The following FDCSP variants were observed in gnomAD, a reference collection of about 807,000 sequenced individuals.
FDCSP encodes follicular dendritic cell secreted protein, also known as follicular dendritic cell secreted peptide.
FDCSP carries 8 observed loss-of-function variants against 8.9 expected under a neutral mutation model. That is an observed-to-expected ratio of 0.90 (90% CI 0.53 to 1.63). The LOEUF (loss-of-function observed/expected upper bound fraction) is 1.63, where lower values mean the gene tolerates loss of function less well. FDCSP is among the 40% of genes most tolerant of loss of function. The probability of loss-of-function intolerance (pLI) is 0.00; values close to 1 mark genes in which losing one functional copy is unlikely to be tolerated. For missense variants in FDCSP, 101 were observed against 103.6 expected, an observed-to-expected ratio of 0.98 and a Z score of 0.11; for synonymous variants, 34 against 34.5, an observed-to-expected ratio of 0.98 and a Z score of 0.06.
intron 2 of FDCSP, among the ~76,000 whole-genome samples, chr4:70,231,974 G>A (rs990371344): frequency 3.3e-5 from 5 of 151,672 alleles, no homozygotes; most frequent in African/African-American, 1.2e-4. Context: ...AAAAGAAAAA[G>A]CATATAGAAT....
At chr4:70,232,264 G>A (rs547958370) in intron 2 of FDCSP, among the ~76,000 whole-genome samples, 1 of 151,524 alleles carries the variant, frequency 6.6e-6, no homozygotes, top group East Asian at 2.0e-4. Flanking sequence ...TTTATTTATG[G>A]TACATAACCT....
chr4:70,229,914 C>T (rs1055511045), intron 1 of FDCSP, among the ~76,000 whole-genome samples: 2 of 151,342 alleles, frequency 1.3e-5, no homozygotes, highest in Non-Finnish European at 3.0e-5. Flanking sequence ...GCTAGGATTA[C>T]CAAAATATGA....
At chr4:70,229,863 G>GAT (rs1251516697) in intron 1 of FDCSP, among the ~76,000 whole-genome samples, 1 of 151,478 alleles carries the variant, frequency 6.6e-6, no homozygotes, top group Admixed American at 6.6e-5. Context: ...ATGTCTTATA[G>GAT]ATATCAAAAT....
intron 2 of FDCSP, 65 bp from the exon 3 acceptor site, chr4:70,232,929 T>C (rs1180895497): frequency 1.6e-6 from 2 of 1,260,428 alleles, no homozygotes; most frequent in Admixed American, 4.3e-5. Flanking sequence ...GTCATGCATA[T>C]GTATATATTT....
chr4:70,226,142 A>C lies in FDCSP; in HGVS notation c.-41A>C, dbSNP rs570779986. 3 of 152,002 alleles carry C rather than the reference A, an allele frequency of 2.0e-5. No individual in the cohort carries two copies. Among genetic ancestry groups the C allele is most frequent in the South Asian group, 4.1e-4 (2 of 4,824 alleles). The allele number at this position is 152,002 out of a possible 1,614,324, so 9.4% of individuals were successfully genotyped here. On this transcript the variant is annotated 5_prime_UTR_variant, in exon 1 of 5. Coordinates refer to ENST00000317987, the MANE Select transcript of FDCSP (RefSeq NM_152997.4). ...CAGGGCCAGTCACTTGCCATTTCTC[A>C]TAACAGCGTCAGAGAGAAAGAACTG...
At chr4:70,229,376 ACT>A (rs1346512571) in intron 1 of FDCSP, among the ~76,000 whole-genome samples, 5 of 151,620 alleles carry the variant, frequency 3.3e-5, no homozygotes, top group Non-Finnish European at 5.9e-5. Flanking sequence ...TGGGAATAAG[ACT>A]CTTTCGCTTT....
chr4:70,228,347 G>T (rs1431118113), intron 1 of FDCSP, among the ~76,000 whole-genome samples: 1 of 151,738 alleles, frequency 6.6e-6, no homozygotes, highest in East Asian at 1.9e-4. Flanking sequence ...TAAGTCACAT[G>T]TTCAAGCTTC....
At chr4:70,226,793 TGATAAG>T (rs1729994171) in intron 1 of FDCSP, among the ~76,000 whole-genome samples, 2 of 151,772 alleles carry the variant, frequency 1.3e-5, no homozygotes, top group African/African-American at 4.8e-5. Flanking sequence ...TATCATGACT[TGATAAG>T]TATAAAAATA....
At chr4:70,232,888 G>C in intron 2 of FDCSP, 106 bp from the exon 3 acceptor site, 1 of 976,818 alleles carries the variant, frequency 1.0e-6, no homozygotes, top group Non-Finnish European at 1.5e-6. Flanking sequence ...TTAAAAAATG[G>C]TTATTATGAA....
At chr4:70,234,546 C>A (rs971998955) in intron 4 of FDCSP, among the ~76,000 whole-genome samples, 1 of 151,396 alleles carries the variant, frequency 6.6e-6, no homozygotes, top group Non-Finnish European at 1.5e-5. Flanking sequence ...TCAGAGTAAC[C>A]AAGGTGGAGA....
chr4:70,234,538 A>C (rs1311753402), intron 4 of FDCSP, among the ~76,000 whole-genome samples: 1 of 151,710 alleles, frequency 6.6e-6, no homozygotes, highest in Non-Finnish European at 1.5e-5. Context: ...GGACTGAATC[A>C]GAGTAACCAA....
chr4:70,233,908 C>T, intron 3 of FDCSP, 112 bp from the exon 4 acceptor site: 1 of 940,634 alleles, frequency 1.1e-6, no homozygotes, highest in Non-Finnish European at 1.6e-6. Flanking sequence ...GATTTTAGAG[C>T]TTCTAAAGCC....
At chr4:70,230,897 T>A (rs1158348185) in intron 1 of FDCSP, among the ~76,000 whole-genome samples, 1 of 151,752 alleles carries the variant, frequency 6.6e-6, no homozygotes, top group Non-Finnish European at 1.5e-5. Flanking sequence ...CATGTGTAGG[T>A]TTGTTACATA....
At chr4:70,231,481 A>T (rs1730081802) in intron 2 of FDCSP, among the ~76,000 whole-genome samples, 1 of 151,028 alleles carries the variant, frequency 6.6e-6, no homozygotes, top group Admixed American at 6.6e-5. Flanking sequence ...CCTCTCTATA[A>T]AAAAAAATAT....
Position 70,233,659 on chromosome 4 carries a change from A to C in FDCSP, c.91-361A>C, listed in dbSNP as rs111364664. Among the ~76,000 whole-genome samples the C allele has an allele frequency of 7.4e-3, 1,116 of 151,818 alleles. 13 individuals carry two copies. Among genetic ancestry groups the C allele is most frequent in the African/African-American group, 0.025 (1,052 of 41,494 alleles). ...AAAGCAGGAAGAAGGAACTGAGATA[A>C]TGAAAGAGAGAAGTTGTTTCCTACA... On this transcript the variant is annotated intron_variant, in intron 3 of 4. Transcript: ENST00000317987.
intron 1 of FDCSP, among the ~76,000 whole-genome samples, chr4:70,229,520 C>A (rs919997822): frequency 4.6e-5 from 7 of 151,752 alleles, no homozygotes; most frequent in Non-Finnish European, 2.9e-5. Context: ...GACATTCCTT[C>A]TTCACTAAAT....
intron 1 of FDCSP, among the ~76,000 whole-genome samples, chr4:70,227,932 G>T (rs956796278): frequency 6.6e-6 from 1 of 151,706 alleles, no homozygotes; most frequent in African/African-American, 2.4e-5. Flanking sequence ...CTGGTGTAGG[G>T]TCTTGCCTTG....
chr4:70,227,828 T>C (rs1442250418), intron 1 of FDCSP, among the ~76,000 whole-genome samples: 1 of 151,808 alleles, frequency 6.6e-6, no homozygotes, highest in African/African-American at 2.4e-5. Flanking sequence ...GCAGTATGTC[T>C]AGAAAAACAA....
rs563239307 is a variant in FDCSP at position 70,229,268 on chromosome 4, T to A, written c.1-1927T>A. Among the ~76,000 whole-genome samples the A allele has an allele frequency of 5.3e-5, 8 of 151,900 alleles. No homozygotes were observed. In the South Asian group the frequency reaches 1.4e-3, roughly 28 times the overall value. On this transcript the variant is annotated intron_variant, in intron 1 of 4. Coordinates refer to ENST00000317987, the MANE Select transcript of FDCSP (RefSeq NM_152997.4). ...TTCACATCTCTCAATCTTTGTATAA[T>A]TAAAGAGCATAGGGGCCTTCTTCTA...
Sources: gnomAD v4.1 joint callset for allele counts (sites outside exome capture counted in the v4.1 genomes callset) on GRCh38, gnomAD v4.1.1 for gene constraint, MANE v1.5 for transcripts, NCBI Gene and HGNC (gene_info 2026-07-23, HGNC 2026-07-21) for gene names.